The following ERC2 variants were observed in gnomAD, a reference collection of about 807,000 sequenced individuals.
The protein encoded by ERC2 is ERC protein 2.
Under a neutral mutation model 114.8 loss-of-function variants are expected in ERC2, and 42 were observed. The ratio of observed to expected loss-of-function variants is 0.37; its 90% CI spans 0.29 to 0.47. ERC2 has a LOEUF of 0.47. Among genes scored for constraint, ERC2 ranks in the 20% least tolerant of loss-of-function variants. ERC2 has a pLI of 0.99. For missense variants in ERC2, 939 were observed against 1,150.7 expected (o/e 0.82, Z 2.66); for synonymous variants, 454 against 425.5 (o/e 1.07, Z -0.82).
chr3:55,949,663 A>G (rs2067363650), intron 13 of ERC2, among the ~76,000 whole-genome samples: 1 of 152,250 alleles, frequency 6.6e-6, no homozygotes. Flanking sequence ...CCTATCTCCA[A>G]GGAGGAAACC....
At chr3:55,627,917 G>A (rs1247359153) in intron 17 of ERC2, among the ~76,000 whole-genome samples, 4 of 147,966 alleles carry the variant, frequency 2.7e-5, no homozygotes, top group African/African-American at 9.9e-5. Flanking sequence ...AAGAAAGGGG[G>A]CGGGGGTCAT....
rs755175919 is a variant in ERC2, at chr3:55,583,536, CCTTCCTTT to C, written c.*40-72268_*40-72261del. Among the ~76,000 whole-genome samples, 518 of 56,954 alleles carry C rather than the reference CCTTCCTTT, an allele frequency of 9.1e-3. 33 individuals are homozygous for C. The highest frequency in any genetic ancestry group is 0.01 in the Non-Finnish European group (291 of 28,110). The allele number at this position is 56,954 out of a possible 152,430, so 37.4% of individuals were successfully genotyped here. A position where few individuals can be genotyped will look rare whatever the true frequency, so the allele number is the denominator to read the frequency against. ...CCCTCCCTCCCTCCCTTCCTTCCTT[CCTTCCTTT>C]CTTCCTTCCTTCCTTCCTTCCTTCC... On this transcript the variant is annotated intron_variant, in intron 17 of 17. Transcript: ENST00000288221.
chr3:56,349,552 G>A (rs1232488096), intron 2 of ERC2, among the ~76,000 whole-genome samples: 1 of 152,198 alleles, frequency 6.6e-6, no homozygotes, highest in East Asian at 1.9e-4. Flanking sequence ...AGTCTAAAGG[G>A]AACAATAGAC....
intron 3 of ERC2, 29 bp from the exon 4 acceptor site, chr3:56,173,549 T>C (rs771903198): frequency 2.1e-5 from 34 of 1,605,864 alleles, no homozygotes; most frequent in Non-Finnish European, 2.8e-5. Context: ...GAAATAAGCC[T>C]GACGGTTCAT....
chr3:55,525,597 T>C (rs1438582871), intron 17 of ERC2, among the ~76,000 whole-genome samples: 1 of 151,936 alleles, frequency 6.6e-6, no homozygotes, highest in East Asian at 1.9e-4. Context: ...AGGCCTGAAA[T>C]AGAGCCAGGC....
chr3:56,091,222 C>T (rs1409211025), intron 6 of ERC2, among the ~76,000 whole-genome samples: 1 of 151,892 alleles, frequency 6.6e-6, no homozygotes, highest in Non-Finnish European at 1.5e-5. Flanking sequence ...GGAGAGGGGG[C>T]ACGTGGCTGT....
intron 13 of ERC2, among the ~76,000 whole-genome samples, chr3:55,900,706 C>G (rs1161960355): frequency 6.6e-6 from 1 of 152,164 alleles, no homozygotes; most frequent in Non-Finnish European, 1.5e-5. Context: ...TTTAAGCACA[C>G]AGAGTCCAAA....
chr3:55,625,828 A>G (rs982362282), intron 17 of ERC2, among the ~76,000 whole-genome samples: 21 of 152,256 alleles, frequency 1.4e-4, no homozygotes. Flanking sequence ...AAGCCCTGTC[A>G]GCAACACAAA....
intron 17 of ERC2, among the ~76,000 whole-genome samples, chr3:55,672,639 A>C (rs1051135964): frequency 6.6e-6 from 1 of 152,204 alleles, no homozygotes; most frequent in Admixed American, 6.5e-5. Flanking sequence ...AGTGAGACAG[A>C]AGTAGAAGAA....
At chr3:56,229,812 T>G (rs1169990110) in intron 3 of ERC2, among the ~76,000 whole-genome samples, 2 of 149,794 alleles carry the variant, frequency 1.3e-5, no homozygotes, top group Non-Finnish European at 3.0e-5. Context: ...GAGGCTCAGC[T>G]CTAAAAACTC....
chr3:55,973,338 G>A (rs1187342560), intron 12 of ERC2, among the ~76,000 whole-genome samples: 2 of 152,222 alleles, frequency 1.3e-5, no homozygotes, highest in African/African-American at 2.4e-5. Context: ...ACAGGTGAAC[G>A]TTGTGCCACT....
At chr3:56,073,787 C>T (rs2076850523) in intron 7 of ERC2, among the ~76,000 whole-genome samples, 1 of 152,106 alleles carries the variant, frequency 6.6e-6, no homozygotes, top group Non-Finnish European at 1.5e-5. Flanking sequence ...TTTAAGCCAA[C>T]AACCAAAGGA....
intron 2 of ERC2, among the ~76,000 whole-genome samples, chr3:56,392,765 T>C (rs1246837618): frequency 6.6e-6 from 1 of 152,192 alleles, no homozygotes; most frequent in East Asian, 1.9e-4. Context: ...AAGACAATGG[T>C]GGTTGTGGTA....
intron 14 of ERC2, among the ~76,000 whole-genome samples, chr3:55,805,236 A>G (rs1460158943): frequency 2.0e-5 from 3 of 151,750 alleles, no homozygotes; most frequent in African/African-American, 7.3e-5. Flanking sequence ...GTCACCTACT[A>G]TATGTTTTCC....
chr3:55,875,384 C>T (rs1206836901), intron 14 of ERC2, among the ~76,000 whole-genome samples: 1 of 152,174 alleles, frequency 6.6e-6, no homozygotes, highest in African/African-American at 2.4e-5. Context: ...AGTGAAGCAT[C>T]AGGGGTGAGG....
chr3:56,298,260 T>C (rs907161542), intron 2 of ERC2, among the ~76,000 whole-genome samples: 2 of 152,234 alleles, frequency 1.3e-5, no homozygotes, highest in African/African-American at 4.8e-5. Flanking sequence ...ATATCAATGG[T>C]ATCATGCAAT....
intron 15 of ERC2, among the ~76,000 whole-genome samples, chr3:55,730,651 G>C (rs2065195944): frequency 6.6e-6 from 1 of 152,160 alleles, no homozygotes; most frequent in Non-Finnish European, 1.5e-5. Flanking sequence ...TGGGAAGACT[G>C]CTTGAGCCCA....
intron 17 of ERC2, among the ~76,000 whole-genome samples, chr3:55,512,863 C>A (rs2052189846): frequency 6.6e-6 from 1 of 152,108 alleles, no homozygotes; most frequent in African/African-American, 2.4e-5. Flanking sequence ...ACCAGGAGGC[C>A]TAAATGGCTT....
chr3:55,899,105 G>T (rs2063987725), intron 13 of ERC2, among the ~76,000 whole-genome samples: 1 of 152,152 alleles, frequency 6.6e-6, no homozygotes, highest in Non-Finnish European at 1.5e-5. Flanking sequence ...GCATTAGAAA[G>T]AACAATATGA....
Sources: allele counts gnomAD v4.1 joint callset (sites outside exome capture counted in the v4.1 genomes callset), GRCh38; gene constraint gnomAD v4.1.1; transcripts MANE v1.5; gene names NCBI Gene and HGNC (gene_info 2026-07-23, HGNC 2026-07-21).